NFAT5: variants seen among roughly 807,000 people sequenced by gnomAD.
NFAT5 encodes nuclear factor of activated T cells 5.
NFAT5 carries 31 observed loss-of-function variants against 166.5 expected under a neutral mutation model. That is an observed-to-expected ratio of 0.19 (90% confidence interval 0.14 to 0.25). The LOEUF (loss-of-function observed/expected upper bound fraction) is 0.25. Among genes scored for constraint, NFAT5 ranks in the 10% least tolerant of loss-of-function variants. The pLI is 1.00. For missense variants in NFAT5, 1,449 were observed against 1,821.8 expected, an observed-to-expected ratio of 0.80 and a Z score of 3.72; for synonymous variants, 612 against 639.7, an observed-to-expected ratio of 0.96 and a Z score of 0.65.
rs13332880 is a variant in NFAT5, at chr16:69,636,847, C to T, written c.254-10181C>T. ...CTCTGACATGGCCTGGAGACATTTT[C>T]CTCATGGTCTTGGGGATTATTAACA... On this transcript the variant is annotated intron_variant, in intron 3 of 14. Transcript: ENST00000349945. 1.9e-3 allele frequency among the ~76,000 whole-genome samples: 282 copies of T among 152,208 alleles called. 3 individuals carry two copies. Among genetic ancestry groups the T allele is most frequent in the African/African-American group, 6.4e-3 (265 of 41,530 alleles).
At chr16:69,666,260 G>A (rs1203987906) in intron 7 of NFAT5, among the ~76,000 whole-genome samples, 1 of 150,574 alleles carries the variant, frequency 6.6e-6, no homozygotes, top group Non-Finnish European at 1.5e-5. Flanking sequence ...ATAGGCATGG[G>A]CAAGGACTTC....
At chr16:69,608,285 C>T (rs2033521236) in intron 2 of NFAT5, among the ~76,000 whole-genome samples, 1 of 152,020 alleles carries the variant, frequency 6.6e-6, no homozygotes, top group African/African-American at 2.4e-5. Context: ...TGAGTAGTTC[C>T]CCACATGCAT....
intron 3 of NFAT5, chr16:69,644,711 C>T (rs571559645): frequency 1.4e-4 from 48 of 348,476 alleles, no homozygotes; most frequent in African/African-American, 7.5e-4. Context: ...AAGGTTATAT[C>T]GTGCATATTA....
chr16:69,617,741 A>G (rs146735068), intron 2 of NFAT5, among the ~76,000 whole-genome samples: 1,756 of 151,838 alleles, frequency 0.012, 26 homozygotes, highest in African/African-American at 0.037. Context: ...GATCCTCCCA[A>G]CTTGGCCTCC....
intron 3 of NFAT5, among the ~76,000 whole-genome samples, chr16:69,644,636 A>G (rs1332179912): frequency 6.6e-6 from 1 of 152,224 alleles, no homozygotes; most frequent in Non-Finnish European, 1.5e-5. Context: ...GGGTTTTATA[A>G]TCATTACGGT....
chr16:69,642,370 A>T (rs975599668), intron 3 of NFAT5, among the ~76,000 whole-genome samples: 1 of 152,202 alleles, frequency 6.6e-6, no homozygotes, highest in Non-Finnish European at 1.5e-5. Context: ...GATACTTTAC[A>T]TATGACACTT....
chr16:69,667,007 T>C (rs2036411156), intron 7 of NFAT5, among the ~76,000 whole-genome samples: 1 of 151,582 alleles, frequency 6.6e-6, no homozygotes, highest in Non-Finnish European at 1.5e-5. Context: ...AAATGATGAG[T>C]TCATGTCCTT....
intron 11 of NFAT5, chr16:69,685,705 T>C (rs1220085564): frequency 6.6e-6 from 1 of 152,128 alleles, no homozygotes; most frequent in African/African-American, 2.4e-5. Flanking sequence ...TAGTTATTGC[T>C]GAACAGATAT....
chr16:69,687,946 G>C (rs370036574), intron 11 of NFAT5, among the ~76,000 whole-genome samples: 1 of 151,840 alleles, frequency 6.6e-6, no homozygotes, highest in African/African-American at 2.4e-5. Flanking sequence ...TGTAATCCCA[G>C]CACTTTGGGA....
At chr16:69,677,405 A>G in intron 10 of NFAT5, 70 bp downstream of exon 10, 1 of 1,329,606 alleles carries the variant, frequency 7.5e-7, no homozygotes, top group Admixed American at 2.6e-5. Context: ...GAATATGAAG[A>G]TGACTAGCCA....
At chr16:69,628,031 A>G (rs1233186776) in intron 3 of NFAT5, among the ~76,000 whole-genome samples, 1 of 152,166 alleles carries the variant, frequency 6.6e-6, no homozygotes, top group Non-Finnish European at 1.5e-5. Flanking sequence ...ATATAGAACT[A>G]AAAGTCTGTT....
chr16:69,581,982 C>G (rs555134476), intron 2 of NFAT5, among the ~76,000 whole-genome samples: 1 of 151,840 alleles, frequency 6.6e-6, no homozygotes, highest in Non-Finnish European at 1.5e-5. Flanking sequence ...GTTATTAGGC[C>G]GGGTGGGCGC....
At chr16:69,632,105 G>A (rs1289346290) in intron 3 of NFAT5, 1 of 152,064 alleles carries the variant, frequency 6.6e-6, no homozygotes, top group African/African-American at 2.4e-5. Flanking sequence ...TCAAATAAGT[G>A]CTATATTCTA....
chr16:69,570,090 A>G (rs1488351718), intron 2 of NFAT5, among the ~76,000 whole-genome samples: 1 of 151,942 alleles, frequency 6.6e-6, no homozygotes, highest in African/African-American at 2.4e-5. Context: ...AAATATTTTT[A>G]GTGAGCTGAT....
chr16:69,626,563 A>AG, intron 3 of NFAT5, 35 bp downstream of exon 3: 1 of 1,486,754 alleles, frequency 6.7e-7, no homozygotes. Context: ...AAAGAAAACT[A>AG]GGGCCAATAT....
intron 9 of NFAT5, 31 bp downstream of exon 9, chr16:69,670,319 T>A (rs2036575515): frequency 1.4e-6 from 2 of 1,383,458 alleles, no homozygotes; most frequent in Non-Finnish European, 1.0e-6. Flanking sequence ...ATAATTTGGT[T>A]ATTTACTCTC....
At position 69,600,760 on chromosome 16, in the gene NFAT5, GA is replaced by G. The variant is rs34206965; in HGVS notation, c.128-25624del. ...GAGTAAAGCTGATAAGGAATACTTT[GA>G]AAAAAAAAAAAAAAAAAAGGCTCCT... On this transcript the variant is annotated intron_variant, in intron 2 of 14. Coordinates refer to ENST00000349945, the MANE Select transcript of NFAT5 (RefSeq NM_138713.4). 3.4e-3 allele frequency among the ~76,000 whole-genome samples: 349 copies of G among 101,356 alleles called. 1 individual carries two copies. The highest frequency in any genetic ancestry group is 0.019 in the Middle Eastern group (3 of 154). 66.5% of individuals were successfully genotyped at this position (101,356 alleles called of 152,430 possible).
intron 2 of NFAT5, among the ~76,000 whole-genome samples, chr16:69,587,910 A>G (rs144205102): frequency 2.3e-3 from 332 of 145,076 alleles, no homozygotes; most frequent in African/African-American, 8.0e-3. Flanking sequence ...TATTTTAGGT[A>G]TAAATTAGGC....
intron 7 of NFAT5, among the ~76,000 whole-genome samples, chr16:69,668,190 T>TGAACTCCTGACCTCCTC (rs1156418637): frequency 6.6e-5 from 10 of 152,186 alleles, no homozygotes; most frequent in East Asian, 5.8e-4. Flanking sequence ...CTGACCAACT[T>TGAACTCCTGACCTCCTC]GAACTCCTGA....
Sources: gnomAD v4.1 joint callset for allele counts (sites outside exome capture counted in the v4.1 genomes callset) on GRCh38, gnomAD v4.1.1 for gene constraint, MANE v1.5 for transcripts, NCBI Gene and HGNC (gene_info 2026-07-23, HGNC 2026-07-21) for gene names.